Variants in ASPH observed in about 807,000 individuals in gnomAD.
ASPH encodes aspartyl/asparaginyl beta-hydroxylase.
In ASPH, 100 loss-of-function variants were observed where a neutral mutation model predicts 118.4. The observed-to-expected ratio is 0.84, with a 90% CI of 0.72 to 1.00. The LOEUF (loss-of-function observed/expected upper bound fraction) is 1.00. Ranked by LOEUF, ASPH falls within the 50% of genes least tolerant of loss-of-function variation. The pLI is 0.00. For missense variants in ASPH, 920 were observed against 919.5 expected (o/e 1.00, Z -0.01); for synonymous variants, 315 against 325.6 (o/e 0.97, Z 0.35).
chr8:61,505,114 T>A (rs909102567), intron 24 of ASPH, among the ~76,000 whole-genome samples: 2 of 152,212 alleles, frequency 1.3e-5, no homozygotes, highest in Non-Finnish European at 2.9e-5. Context: ...GTCCTCATCA[T>A]AGTGAATAAG....
chr8:61,527,049 G>GTA (rs557711613), intron 21 of ASPH, among the ~76,000 whole-genome samples: 381 of 152,274 alleles, frequency 2.5e-3, no homozygotes, highest in African/African-American at 8.8e-3. Flanking sequence ...AAATAGTTGA[G>GTA]TATATAGATT....
At chr8:61,506,919 T>C (rs1276137571) in intron 24 of ASPH, among the ~76,000 whole-genome samples, 1 of 152,150 alleles carries the variant, frequency 6.6e-6, no homozygotes, top group Non-Finnish European at 1.5e-5. Flanking sequence ...ATCTGTGAAA[T>C]GTAGTTTGTA....
intron 1 of ASPH, among the ~76,000 whole-genome samples, chr8:61,711,050 TC>T (rs1837945965): frequency 6.6e-6 from 1 of 150,376 alleles, no homozygotes; most frequent in East Asian, 2.0e-4. Flanking sequence ...TGCTTATCTA[TC>T]AATAGTTTTG....
At chr8:61,680,901 T>C (rs1051539595) in intron 3 of ASPH, 67 bp downstream of exon 3, 3 of 1,385,870 alleles carry the variant, frequency 2.2e-6, no homozygotes, top group African/African-American at 1.5e-5. Context: ...ATAGATATTA[T>C]TAAAGCAAAA....
intron 14 of ASPH, among the ~76,000 whole-genome samples, chr8:61,602,920 T>C (rs1171339393): frequency 1.3e-5 from 2 of 151,766 alleles, no homozygotes; most frequent in Non-Finnish European, 2.9e-5. Flanking sequence ...CAGCTGGGCG[T>C]GGTGGCTCAT....
chr8:61,658,317 C>CAA (rs569316928), intron 3 of ASPH: 26 of 152,188 alleles, frequency 1.7e-4, no homozygotes, highest in Non-Finnish European at 3.2e-4. Context: ...GCTGGACAGA[C>CAA]AGATTTCAAA....
At chr8:61,576,916 A>G in intron 15 of ASPH, 58 bp from the exon 16 acceptor site, 1 of 1,389,502 alleles carries the variant, frequency 7.2e-7, no homozygotes, top group Non-Finnish European at 9.9e-7. Flanking sequence ...ATCAATCAAT[A>G]TTGTTATTTA....
At chr8:61,714,223 T>C (rs575435991) in intron 1 of ASPH, 46 bp downstream of exon 1, 8 of 1,399,584 alleles carry the variant, frequency 5.7e-6, no homozygotes, top group Non-Finnish European at 7.4e-6. Flanking sequence ...GCCGGCTCCC[T>C]ACCCCGAGGC....
intron 3 of ASPH, chr8:61,665,466 T>C (rs754846935): frequency 1.9e-6 from 3 of 1,573,006 alleles, no homozygotes; most frequent in Non-Finnish European, 8.6e-7. Flanking sequence ...GACTCCTTCC[T>C]GGATAGGTCT....
chr8:61,570,629 C>A (rs1421626936), intron 16 of ASPH, among the ~76,000 whole-genome samples: 4 of 152,162 alleles, frequency 2.6e-5, no homozygotes, highest in African/African-American at 9.7e-5. Context: ...TAAAATGGCA[C>A]ATAATTCTTT....
At chr8:61,627,387 G>A (rs912254323) in intron 13 of ASPH, among the ~76,000 whole-genome samples, 5 of 152,170 alleles carry the variant, frequency 3.3e-5, no homozygotes, top group African/African-American at 7.2e-5. Flanking sequence ...ACTAATCTAC[G>A]ATGATCCAGT....
At position 61,714,456 on chromosome 8, in the gene ASPH, C is replaced by G. The variant is rs1200420740; in HGVS notation, c.-85G>C. 1 of 1,359,856 alleles carries G rather than the reference C, an allele frequency of 7.4e-7. No homozygotes were observed. The highest frequency in any genetic ancestry group is 3.1e-5 in the East Asian group (1 of 32,194). 84.2% of individuals were successfully genotyped at this position (1,359,856 alleles called of 1,614,324 possible). The stretch of plus-strand genomic sequence containing the variant: ...CACGCGACGCGGGAACCGCTGGCGG[C>G]GGCGGGCCGCTGGAGCGGGTTCGGG... On this transcript the variant is annotated 5_prime_UTR_variant, in exon 1 of 25. Transcript: ENST00000379454.
chr8:61,594,597 A>C (rs1173702005), intron 14 of ASPH, among the ~76,000 whole-genome samples: 7 of 152,196 alleles, frequency 4.6e-5, no homozygotes, highest in Non-Finnish European at 4.4e-5. Flanking sequence ...ATAGTCCCAA[A>C]ATAGCTGAAT....
chr8:61,633,729 T>C lies in ASPH; in HGVS notation c.890-2A>G. On this transcript the variant is annotated splice_acceptor_variant, in intron 12 of 24. Transcript: ENST00000379454. LOFTEE classifies it high-confidence loss of function. ...CTTCCACAGGAAAAATGCTTACTTC[T>C]AAAATAAATAATAAAGTTATAATCT... 1 of 1,591,472 alleles carries C rather than the reference T, an allele frequency of 6.3e-7. No individual in the cohort carries two copies. Among genetic ancestry groups the C allele is most frequent in the South Asian group, 1.1e-5 (1 of 87,084 alleles).
At chr8:61,506,241 T>C (rs914261810) in intron 24 of ASPH, among the ~76,000 whole-genome samples, 1 of 152,206 alleles carries the variant, frequency 6.6e-6, no homozygotes, top group African/African-American at 2.4e-5. Context: ...TAATTACTAG[T>C]TGATTCTACA....
intron 4 of ASPH, 32 bp downstream of exon 4, chr8:61,653,536 T>C: frequency 6.2e-7 from 1 of 1,605,318 alleles, no homozygotes; most frequent in South Asian, 1.1e-5. Flanking sequence ...CTGGCACACC[T>C]GGGCGAGACT....
intron 1 of ASPH, among the ~76,000 whole-genome samples, chr8:61,698,791 CAAG>C (rs966338035): frequency 6.6e-6 from 1 of 152,152 alleles, no homozygotes; most frequent in African/African-American, 2.4e-5. Context: ...TGTCAGGAAA[CAAG>C]AAGAAGACCA....
In ASPH at chr8:61,689,917, G is replaced by A. The variant is rs886346333; in HGVS notation, c.104-5729C>T. ...GCTAAATGCTGCTAATCACCACTTA[G>A]GCTGAAGTGCACTCCCTAACAACAC... On this transcript the variant is annotated intron_variant, in intron 1 of 24. Transcript: ENST00000379454. 8 of 1,192,138 alleles carry A rather than the reference G, an allele frequency of 6.7e-6. No individual in the cohort carries two copies. The African/African-American group carries it at 1.3e-4, about 19-fold the overall frequency. 73.8% of individuals were successfully genotyped at this position (1,192,138 alleles called of 1,614,324 possible). A position where few individuals can be genotyped will look rare whatever the true frequency, so the allele number is the denominator to read the frequency against.
intron 13 of ASPH, chr8:61,632,714 A>G: frequency 2.2e-6 from 1 of 451,740 alleles, no homozygotes; most frequent in African/African-American, 2.1e-5. Flanking sequence ...AACTATCAAA[A>G]CCTAAGGCAT....
Sources: gnomAD v4.1 joint callset for allele counts (sites outside exome capture counted in the v4.1 genomes callset) on GRCh38, gnomAD v4.1.1 for gene constraint, MANE v1.5 for transcripts, NCBI Gene and HGNC (gene_info 2026-07-23, HGNC 2026-07-21) for gene names.